Variants in LIMS2 observed in about 807,000 individuals in gnomAD.
LIMS2 encodes LIM and senescent cell antigen-like-containing domain protein 2.
A neutral mutation model predicts 45.3 loss-of-function variants in LIMS2; 30 were observed. The observed-to-expected ratio is 0.66, with a 90% confidence interval of 0.50 to 0.90. The LOEUF is 0.90. Ranked by LOEUF, LIMS2 falls within the 40% of genes least tolerant of loss-of-function variation. The pLI, the probability that LIMS2 is intolerant of heterozygous loss-of-function variation, is 0.00. For missense variants in LIMS2, 485 were observed against 468.7 expected (o/e 1.03, Z -0.32); for synonymous variants, 173 against 188.0 (o/e 0.92, Z 0.65).
intron 1 of LIMS2, among the ~76,000 whole-genome samples, chr2:127,668,859 G>A (rs111698834): frequency 0.077 from 11,761 of 151,964 alleles, 509 homozygotes; most frequent in Middle Eastern, 0.14. Context: ...CAGTACTTTG[G>A]AAGGCTGAGG....
intron 4 of LIMS2, chr2:127,649,900 G>A: frequency 1.1e-6 from 1 of 882,184 alleles, no homozygotes; most frequent in East Asian, 2.7e-5. Flanking sequence ...TCCCCTCCTG[G>A]AAGAGATGCT....
chr2:127,640,296 T>C lies in LIMS2; in HGVS notation c.776A>G (p.Asn259Ser), dbSNP rs1221598140. Residue 259 changes from asparagine (N) to serine (S), a missense_variant, in exon 8 of 10, where the codon AAC becomes AGC. Physicochemically the swap from Asn to Ser is conservative, Grantham distance 46. Transcript: ENST00000355119. ...YNQLFGDVCY[N>S]CSHVIEGDVV... ...ATCGCCTTCAATCACATGGCTGCAG[T>C]TGTAGCAGACGTCCCCGAAGAGCTG... 1 of 1,613,138 alleles carries C rather than the reference T, an allele frequency of 6.2e-7. No individual in the cohort carries two copies. The highest frequency in any genetic ancestry group is 8.5e-7 in the Non-Finnish European group (1 of 1,179,942).
chr2:127,639,465 C>T (rs1476050715), intron 9 of LIMS2, 37 bp from the exon 10 acceptor site: 6 of 1,609,406 alleles, frequency 3.7e-6, no homozygotes, highest in Non-Finnish European at 5.1e-6. Flanking sequence ...GAGCCCCACG[C>T]CCACCCCTTT....
intron 4 of LIMS2, among the ~76,000 whole-genome samples, chr2:127,645,289 A>G (rs1476067333): frequency 1.3e-5 from 2 of 152,372 alleles, no homozygotes; most frequent in Admixed American, 1.3e-4. Context: ...CCACATACAT[A>G]CAGTTTTCAA....
chr2:127,660,843 T>G (rs1684592018), intron 1 of LIMS2, among the ~76,000 whole-genome samples: 1 of 148,200 alleles, frequency 6.7e-6, no homozygotes, highest in South Asian at 2.1e-4. Flanking sequence ...TGTAAGCAGT[T>G]CCTCGGCTGG....
chr2:127,660,411 G>A (rs908226034), intron 1 of LIMS2, among the ~76,000 whole-genome samples: 1 of 152,188 alleles, frequency 6.6e-6, no homozygotes. Flanking sequence ...CCACCTTTAT[G>A]AGCTGTAATG....
At chr2:127,670,557 G>C (rs1685227887) in intron 1 of LIMS2, among the ~76,000 whole-genome samples, 1 of 152,220 alleles carries the variant, frequency 6.6e-6, no homozygotes, top group Non-Finnish European at 1.5e-5. Context: ...AATGGTGATG[G>C]TTGCACAGCC....
intron 4 of LIMS2, chr2:127,650,013 T>G: frequency 6.2e-7 from 1 of 1,607,970 alleles, no homozygotes; most frequent in Non-Finnish European, 8.5e-7. Flanking sequence ...CCTGTCAGGA[T>G]GTCCAAACGG....
chr2:127,641,076 C>A, intron 6 of LIMS2, 88 bp from the exon 7 acceptor site: 4 of 1,054,958 alleles, frequency 3.8e-6, no homozygotes, highest in Non-Finnish European at 5.8e-6. Context: ...ACAGTGACCC[C>A]AGGAGCCAGT....
chr2:127,640,194 C>G (rs1682266833), intron 8 of LIMS2, 49 bp from the exon 9 acceptor site: 1 of 1,612,202 alleles, frequency 6.2e-7, no homozygotes, highest in Non-Finnish European at 8.5e-7. Flanking sequence ...CTGCCGCAGG[C>G]CCGGCTGGGC....
At chr2:127,641,015 G>A in intron 6 of LIMS2, 27 bp from the exon 7 acceptor site, 1 of 1,599,452 alleles carries the variant, frequency 6.3e-7, no homozygotes, top group Non-Finnish European at 8.6e-7. Context: ...CGGGCCGGGT[G>A]GCATCAGGGC....
At chr2:127,676,818 G>A (rs1685513835), upstream of LIMS2, among the ~76,000 whole-genome samples, 1 of 152,180 alleles carries the variant, frequency 6.6e-6, no homozygotes, top group Non-Finnish European at 1.5e-5. Flanking sequence ...TAGGCATGCT[G>A]GGGCCGTGCA....
chr2:127,656,146 T>G (rs1259324726), intron 2 of LIMS2: 1 of 152,244 alleles, frequency 6.6e-6, no homozygotes, highest in Non-Finnish European at 1.5e-5. Context: ...TGAGTATTTG[T>G]TACCTTTGTT....
At chr2:127,649,078 G>GAAAAGAAAAAAAGAAA (rs201484540) in intron 4 of LIMS2, among the ~76,000 whole-genome samples, 2 of 110,234 alleles carry the variant, frequency 1.8e-5, no homozygotes, top group Non-Finnish European at 3.9e-5. Context: ...GAAGGAAAAA[G>GAAAAGAAAAAAAGAAA]AAAAGAAAAA....
chr2:127,660,618 C>T (rs1684571067), intron 1 of LIMS2, among the ~76,000 whole-genome samples: 2 of 152,208 alleles, frequency 1.3e-5, no homozygotes, highest in Non-Finnish European at 2.9e-5. Context: ...CCGGACATAT[C>T]TGAACGTCTG....
At position 127,642,616 on chromosome 2, in the gene LIMS2, C is replaced by A. The variant is rs956768521; in HGVS notation, c.509+307G>T. On this transcript the variant is annotated intron_variant, in intron 5 of 9. Coordinates refer to ENST00000355119, the MANE Select transcript of LIMS2 (RefSeq NM_001161403.3). The surrounding 1 kb of genome is among the most constrained non-coding windows in gnomAD (Gnocchi z 5.3). Reference sequence around the variant, plus strand: ...AGCCCACTCCCGGTCTCTTGCCCTGCCCCCTCAGGTCCCTTCCACTGCTCC... The same window carrying A: ...AGCCCACTCCCGGTCTCTTGCCCTGACCCCTCAGGTCCCTTCCACTGCTCC... 7.5e-5 allele frequency: 31 copies of A among 415,480 alleles called. No individual in the cohort carries two copies. The highest frequency in any genetic ancestry group is 1.2e-4 in the Non-Finnish European group (27 of 229,514). 25.7% of individuals were successfully genotyped at this position (415,480 alleles called of 1,614,324 possible).
chr2:127,651,738 GC>G, intron 4 of LIMS2: 2 of 1,612,546 alleles, frequency 1.2e-6, no homozygotes, highest in Non-Finnish European at 8.5e-7. Flanking sequence ...CTCGCTGAGT[GC>G]CAAGTCAGAG....
At position 127,647,212 on chromosome 2, in the gene LIMS2, T is replaced by C. The variant is rs546186587; in HGVS notation, c.360-4140A>G. Among the ~76,000 whole-genome samples, 1 of 152,266 alleles carries C rather than the reference T, an allele frequency of 6.6e-6. No individual in the cohort carries two copies. Among genetic ancestry groups the C allele is most frequent in the Admixed American group, 6.5e-5 (1 of 15,300 alleles). On this transcript the variant is annotated intron_variant, in intron 4 of 9. Transcript: ENST00000355119. This position sits in a 1 kb window ranked among gnomAD's most constrained non-coding sequence, Gnocchi z 4.3. ...GGGCTGCACATTCTCATTTCATACATGGGCCCCTAAAATGAGGGAGTGGCC... is the reference window on the plus strand; with the variant it reads ...GGGCTGCACATTCTCATTTCATACACGGGCCCCTAAAATGAGGGAGTGGCC...
At chr2:127,660,081 G>C (rs986784026) in intron 1 of LIMS2, among the ~76,000 whole-genome samples, 3 of 152,230 alleles carry the variant, frequency 2.0e-5, no homozygotes, top group Admixed American at 1.3e-4. Context: ...TTCTGGTTGG[G>C]GTGGGGACTT....
Sources: allele counts gnomAD v4.1 joint callset (sites outside exome capture counted in the v4.1 genomes callset), GRCh38; gene constraint gnomAD v4.1.1; non-coding constraint Gnocchi (gnomAD v3.1); transcripts MANE v1.5; gene names NCBI Gene and HGNC (gene_info 2026-07-23, HGNC 2026-07-21).